The following OXR1 variants were observed in gnomAD, a reference collection of about 807,000 sequenced individuals.
The protein encoded by OXR1 is oxidation resistance protein 1.
Under a neutral mutation model 104.6 loss-of-function variants are expected in OXR1, and 41 were observed. That is an observed-to-expected ratio of 0.39 (90% confidence interval 0.31 to 0.51). OXR1 has a LOEUF of 0.51. Ranked by LOEUF, OXR1 falls within the 20% of genes least tolerant of loss-of-function variation. The pLI is 0.77. For synonymous variants in OXR1, 348 were observed against 348.4 expected (o/e 1.00, Z 0.01); for missense variants, 955 against 1,031.9 (o/e 0.93, Z 1.02).
At chr8:106,695,898 C>T (rs1277203311) in intron 7 of OXR1, among the ~76,000 whole-genome samples, 2 of 151,792 alleles carry the variant, frequency 1.3e-5, no homozygotes, top group African/African-American at 4.8e-5. Flanking sequence ...CATATTTATA[C>T]TCTCCCCCTT....
chr8:106,337,022 A>G (rs1814995387), intron 1 of OXR1, among the ~76,000 whole-genome samples: 2 of 152,248 alleles, frequency 1.3e-5, no homozygotes, highest in African/African-American at 4.8e-5. Flanking sequence ...TCAAGCAGCT[A>G]TGCTTAGTCA....
chr8:106,343,085 A>G (rs532684013), intron 1 of OXR1, among the ~76,000 whole-genome samples: 52 of 151,098 alleles, frequency 3.4e-4, no homozygotes, highest in Non-Finnish European at 6.9e-4. Flanking sequence ...CTCCATTCTC[A>G]CTCCCAGCTA....
intron 2 of OXR1, among the ~76,000 whole-genome samples, chr8:106,487,979 A>T (rs1470453790): frequency 6.7e-6 from 1 of 148,630 alleles, no homozygotes; most frequent in African/African-American, 2.5e-5. Context: ...CCAGTTCTAG[A>T]TCCCTGAGGA....
At chr8:106,378,020 A>G (rs1816980652) in intron 2 of OXR1, among the ~76,000 whole-genome samples, 1 of 152,158 alleles carries the variant, frequency 6.6e-6, no homozygotes, top group Admixed American at 6.5e-5. Context: ...CTTTTTGTCT[A>G]GTACTTCATG....
chr8:106,356,215 C>T (rs142823163), intron 1 of OXR1, among the ~76,000 whole-genome samples: 456 of 152,252 alleles, frequency 3.0e-3, no homozygotes, highest in African/African-American at 0.011. Context: ...AGGGATGGCT[C>T]CCAGGTCCTT....
chr8:106,294,089 T>C (rs1812875857), intron 1 of OXR1, among the ~76,000 whole-genome samples: 1 of 151,116 alleles, frequency 6.6e-6, no homozygotes, highest in African/African-American at 2.4e-5. Flanking sequence ...AGGCCAATCT[T>C]GCATTGCAAT....
chr8:106,606,937 T>C (rs1820447529), intron 3 of OXR1, among the ~76,000 whole-genome samples: 2 of 152,202 alleles, frequency 1.3e-5, no homozygotes, highest in African/African-American at 4.8e-5. Flanking sequence ...TGAATGGTTT[T>C]TGTTGTTTAG....
intron 3 of OXR1, among the ~76,000 whole-genome samples, chr8:106,533,210 G>A (rs754062915): frequency 9.2e-5 from 14 of 152,198 alleles, no homozygotes; most frequent in Non-Finnish European, 1.6e-4. Context: ...AGGAAAGGAC[G>A]TTGAGAACCA....
intron 3 of OXR1, among the ~76,000 whole-genome samples, chr8:106,631,603 A>C (rs2130893982): frequency 6.6e-6 from 1 of 152,322 alleles, no homozygotes; most frequent in East Asian, 1.9e-4. Context: ...TTTATGGTGT[A>C]AGCCTATAGT....
At chr8:106,697,967 G>A in intron 7 of OXR1, 1 of 1,612,856 alleles carries the variant, frequency 6.2e-7, no homozygotes, top group South Asian at 1.1e-5. Flanking sequence ...TCAATCTTCT[G>A]CTGCACCTCC....
intron 2 of OXR1, among the ~76,000 whole-genome samples, chr8:106,477,894 A>T (rs1274976730): frequency 6.6e-6 from 1 of 151,962 alleles, no homozygotes; most frequent in Non-Finnish European, 1.5e-5. Context: ...TGTGAAACTT[A>T]GGGCTCAATA....
chr8:106,329,312 G>A (rs1215851286), intron 1 of OXR1, among the ~76,000 whole-genome samples: 1 of 150,058 alleles, frequency 6.7e-6, no homozygotes, highest in Non-Finnish European at 1.5e-5. Flanking sequence ...GAAATACAAG[G>A]TTAATCATGC....
intron 3 of OXR1, among the ~76,000 whole-genome samples, chr8:106,652,239 A>G (rs1824642325): frequency 6.6e-6 from 1 of 152,114 alleles, no homozygotes; most frequent in Non-Finnish European, 1.5e-5. Flanking sequence ...ATGGATGACA[A>G]TTTGCTGAGA....
chr8:106,530,607 G>A (rs1814024006), intron 3 of OXR1, among the ~76,000 whole-genome samples: 1 of 152,116 alleles, frequency 6.6e-6, no homozygotes, highest in Non-Finnish European at 1.5e-5. Context: ...ATCTTCTATT[G>A]CTGTTTCTAC....
At chr8:106,698,939 G>C (rs1435763783) in intron 7 of OXR1, among the ~76,000 whole-genome samples, 2 of 151,864 alleles carry the variant, frequency 1.3e-5, no homozygotes, top group Non-Finnish European at 2.9e-5. Flanking sequence ...TGAATTTTAT[G>C]TAATTGGATA....
intron 3 of OXR1, among the ~76,000 whole-genome samples, chr8:106,643,922 G>A (rs1442003028): frequency 6.6e-6 from 1 of 152,166 alleles, no homozygotes; most frequent in African/African-American, 2.4e-5. Context: ...CAATTGAGAT[G>A]TATTCTTTGT....
At chr8:106,298,943 C>G (rs533808274) in intron 1 of OXR1, among the ~76,000 whole-genome samples, 8 of 136,962 alleles carry the variant, frequency 5.8e-5, no homozygotes, top group East Asian at 4.3e-4. Flanking sequence ...GTGTGTGTGT[C>G]TATGTGTATT....
At chr8:106,688,508 A>T (rs1563707934) in intron 6 of OXR1, among the ~76,000 whole-genome samples, 1 of 152,142 alleles carries the variant, frequency 6.6e-6, no homozygotes, top group Non-Finnish European at 1.5e-5. Flanking sequence ...TAGCAATAGA[A>T]TGTAGGCATA....
chr8:106,744,691 G>C (rs1350863474), intron 15 of OXR1, among the ~76,000 whole-genome samples: 17 of 152,086 alleles, frequency 1.1e-4, no homozygotes, highest in Admixed American at 1.1e-3. Context: ...AAAATGTAAA[G>C]GTATAAATGA....
Sources: allele counts gnomAD v4.1 joint callset (sites outside exome capture counted in the v4.1 genomes callset), GRCh38; gene constraint gnomAD v4.1.1; transcripts MANE v1.5; gene names NCBI Gene and HGNC (gene_info 2026-07-23, HGNC 2026-07-21).